Variants in GALNTL5 observed in about 807,000 individuals in gnomAD.
The protein encoded by GALNTL5 is polypeptide N-acetylgalactosaminyltransferase like 5, also known as inactive polypeptide N-acetylgalactosaminyltransferase-like protein 5.
A neutral mutation model predicts 51.0 loss-of-function variants in GALNTL5; 44 were observed. That is an observed-to-expected ratio of 0.86 (90% CI 0.68 to 1.11). The LOEUF (loss-of-function observed/expected upper bound fraction) is 1.11, where lower values mean the gene tolerates loss of function less well. Among genes scored for constraint, GALNTL5 ranks in the 50% least tolerant of loss-of-function variants. GALNTL5 has a pLI of 0.00. For synonymous variants in GALNTL5, 192 were observed against 182.8 expected (o/e 1.05, Z -0.41); for missense variants, 528 against 531.8 (o/e 0.99, Z 0.07).
intron 3 of GALNTL5, among the ~76,000 whole-genome samples, chr7:151,977,630 A>G (rs2081223806): frequency 6.6e-6 from 1 of 152,038 alleles, no homozygotes; most frequent in South Asian, 2.1e-4. Flanking sequence ...AAAGTTTTTG[A>G]CTCTCTGAAA....
chr7:151,961,682 G>A (rs2080993434), intron 1 of GALNTL5, among the ~76,000 whole-genome samples: 1 of 152,294 alleles, frequency 6.6e-6, no homozygotes, highest in Admixed American at 6.5e-5. Flanking sequence ...AGGGCCTAAG[G>A]CTCATTTCAG....
intron 6 of GALNTL5, 128 bp downstream of exon 6, chr7:152,003,091 A>T: frequency 1.4e-6 from 1 of 739,378 alleles, no homozygotes; most frequent in Middle Eastern, 2.5e-4. Flanking sequence ...TGTTTCTAGA[A>T]GTCTTTAATA....
intron 2 of GALNTL5, 29 bp downstream of exon 2, chr7:151,967,522 C>T: frequency 6.3e-7 from 1 of 1,593,064 alleles, no homozygotes; most frequent in Non-Finnish European, 8.6e-7. Flanking sequence ...TTCCGTTAGC[C>T]ATTTGAAGGG....
intron 4 of GALNTL5, among the ~76,000 whole-genome samples, chr7:151,984,620 G>A (rs1163039961): frequency 6.6e-6 from 1 of 152,160 alleles, no homozygotes; most frequent in Non-Finnish European, 1.5e-5. Flanking sequence ...GAGGGCACAG[G>A]ACTGTCTATT....
At chr7:152,005,988 G>C (rs2081637133) in intron 6 of GALNTL5, among the ~76,000 whole-genome samples, 1 of 152,140 alleles carries the variant, frequency 6.6e-6, no homozygotes, top group African/African-American at 2.4e-5. Flanking sequence ...ATCACTATGT[G>C]GGTGAGTGGA....
chr7:152,019,617 G>C (rs774766044), intron 8 of GALNTL5, 29 bp from the exon 9 acceptor site: 17 of 1,585,528 alleles, frequency 1.1e-5, no homozygotes, highest in Non-Finnish European at 1.4e-5. Flanking sequence ...TTGGTTGAAC[G>C]TAACGACTGA....
At chr7:152,014,550 G>A (rs2081780564) in intron 7 of GALNTL5, 94 bp from the exon 8 acceptor site, 2 of 1,257,752 alleles carry the variant, frequency 1.6e-6, no homozygotes, top group Non-Finnish European at 2.2e-6. Flanking sequence ...TTACAGGCAT[G>A]AGCCACCGCA....
chr7:151,981,083 A>T (rs2081279067), intron 3 of GALNTL5, among the ~76,000 whole-genome samples: 2 of 152,064 alleles, frequency 1.3e-5, no homozygotes, highest in Admixed American at 1.3e-4. Flanking sequence ...TTCTGGCCCC[A>T]GTTGATTAAC....
rs543233598 is a variant in GALNTL5, at chr7:151,981,732, T to C, written c.369-1254T>C. On this transcript the variant is annotated intron_variant, in intron 3 of 8. Transcript: ENST00000392800. ...GGTATGGTCTTGGCTCACTACAACT[T>C]CTCTCTCCCAGGTTCAAAATATTCT... Among the ~76,000 whole-genome samples the C allele has an allele frequency of 3.4e-5, 5 of 147,296 alleles. No individual in the cohort carries two copies. In the East Asian group the frequency reaches 1.1e-3, roughly 31 times the overall value.
chr7:152,002,260 A>C (rs754309273), intron 5 of GALNTL5, among the ~76,000 whole-genome samples: 15 of 151,944 alleles, frequency 9.9e-5, no homozygotes, highest in Non-Finnish European at 2.1e-4. Context: ...AGCCTGGGTG[A>C]TAGAACAAGA....
intron 4 of GALNTL5, among the ~76,000 whole-genome samples, chr7:151,983,872 C>A (rs1355380207): frequency 6.6e-6 from 1 of 152,146 alleles, no homozygotes; most frequent in African/African-American, 2.4e-5. Context: ...GTAGTCTATG[C>A]ATGAGTATAG....
chr7:152,016,400 G>A (rs182471820), intron 8 of GALNTL5, among the ~76,000 whole-genome samples: 17 of 147,490 alleles, frequency 1.2e-4, no homozygotes, highest in Non-Finnish European at 1.6e-4. Context: ...GCAAAACTCC[G>A]TCTCAAAAAA....
At chr7:151,962,436 C>CCATTTT (rs2081003209) in intron 1 of GALNTL5, among the ~76,000 whole-genome samples, 1 of 116,232 alleles carries the variant, frequency 8.6e-6, no homozygotes, top group Non-Finnish European at 1.7e-5. Flanking sequence ...ATTTTTTTTT[C>CCATTTT]TTTTTTTTTT....
rs555212740 is a variant in GALNTL5, at chr7:151,989,158, CT to C, written c.658+1889del. Among the ~76,000 whole-genome samples, 969 of 142,404 alleles carry C rather than the reference CT, an allele frequency of 6.8e-3. 7 individuals carry two copies. Among genetic ancestry groups the C allele is most frequent in the African/African-American group, 0.018 (709 of 38,968 alleles). 93.4% of individuals were successfully genotyped at this position (142,404 alleles called of 152,430 possible). ...ATTTCATATGGATTTTATTTTTTCT[CT>C]TTTTTTTTTTTAGACAGTCTCGCTC... is the stretch of plus-strand genomic sequence containing the variant. On this transcript the variant is annotated intron_variant, in intron 5 of 8. Transcript: ENST00000392800.
rs759353909 is a variant in GALNTL5, at chr7:151,982,996, A to G, written c.379A>G (p.Lys127Glu). The change falls in exon 4 of 9, where the codon AAA becomes GAA. Residue 127 changes from lysine (K) to glutamate (E), a missense_variant. Lys to Glu is a moderately conservative substitution (Grantham distance 56). Coordinates refer to ENST00000392800, the MANE Select transcript of GALNTL5 (RefSeq NM_145292.4). ...PDTRSKMCLQ[K>E]HYPARLPTAS... The stretch of plus-strand genomic sequence containing the variant: ...TGCTTCTGCCTGCAGGTGTCTTCAA[A>G]AACATTACCCAGCCCGCCTCCCGAC... The G allele has an allele frequency of 6.2e-7, 1 of 1,614,170 alleles. No individual in the cohort carries two copies. The highest frequency in any genetic ancestry group is 1.1e-5 in the South Asian group (1 of 91,080).
At chr7:152,001,154 C>T (rs2081574483) in intron 5 of GALNTL5, among the ~76,000 whole-genome samples, 2 of 151,420 alleles carry the variant, frequency 1.3e-5, no homozygotes, top group Non-Finnish European at 2.9e-5. Flanking sequence ...CTCAGGTGAT[C>T]CACCCCCCTC....
intron 7 of GALNTL5, among the ~76,000 whole-genome samples, chr7:152,012,622 G>T (rs550546659): frequency 4.1e-4 from 62 of 152,326 alleles, no homozygotes; most frequent in African/African-American, 1.4e-3. Flanking sequence ...TGTTCTCATT[G>T]TAGCACTTTC....
intron 6 of GALNTL5, among the ~76,000 whole-genome samples, chr7:152,007,087 T>C (rs1348573197): frequency 6.6e-6 from 1 of 152,088 alleles, no homozygotes; most frequent in Non-Finnish European, 1.5e-5. Context: ...TCAAACTACT[T>C]AGTTTGGTAT....
intron 3 of GALNTL5, among the ~76,000 whole-genome samples, chr7:151,979,075 A>G (rs1172238739): frequency 6.6e-6 from 1 of 151,170 alleles, no homozygotes; most frequent in Non-Finnish European, 1.5e-5. Context: ...CTAATTGAGG[A>G]CAACCAAAGG....
Sources: allele counts gnomAD v4.1 joint callset (sites outside exome capture counted in the v4.1 genomes callset), GRCh38; gene constraint gnomAD v4.1.1; transcripts MANE v1.5; gene names NCBI Gene and HGNC (gene_info 2026-07-23, HGNC 2026-07-21).